The following EYS variants were observed in gnomAD, a reference collection of about 807,000 sequenced individuals.
The protein encoded by EYS is protein eyes shut homolog.
Under a neutral mutation model 282.1 loss-of-function variants are expected in EYS, and 250 were observed. The ratio of observed to expected loss-of-function variants is 0.89; its 90% CI spans 0.80 to 0.98. EYS has a LOEUF of 0.98. Among genes scored for constraint, EYS ranks in the 50% least tolerant of loss-of-function variants. The pLI, the probability that EYS is intolerant of heterozygous loss-of-function variation, is 0.00. For synonymous variants in EYS, 1,355 were observed against 1,282.9 expected (o/e 1.06, Z -1.20); for missense variants, 4,016 against 3,709.0 (o/e 1.08, Z -2.15).
At chr6:64,135,960 T>C (rs978520382) in intron 31 of EYS, among the ~76,000 whole-genome samples, 2 of 151,992 alleles carry the variant, frequency 1.3e-5, no homozygotes, top group African/African-American at 4.8e-5. Flanking sequence ...TTACAAAAGA[T>C]TCCTCTATAG....
At chr6:64,748,615 C>T (rs140626899) in intron 22 of EYS, among the ~76,000 whole-genome samples, 132 of 152,252 alleles carry the variant, frequency 8.7e-4, no homozygotes, top group African/African-American at 2.9e-3. Flanking sequence ...TCTGTGGATG[C>T]TATGGAGCTA....
intron 35 of EYS, among the ~76,000 whole-genome samples, chr6:63,937,836 T>C (rs1231170855): frequency 6.6e-6 from 1 of 152,208 alleles, no homozygotes; most frequent in Non-Finnish European, 1.5e-5. Context: ...ATCCATTTCA[T>C]TCTTCTCCAC....
At chr6:64,794,017 G>T (rs562076096) in intron 22 of EYS, among the ~76,000 whole-genome samples, 1 of 152,132 alleles carries the variant, frequency 6.6e-6, no homozygotes, top group South Asian at 2.1e-4. Context: ...CCCAGGCCCT[G>T]GTTAATCAAC....
At chr6:64,791,320 C>CACAT (rs1171804828) in intron 22 of EYS, among the ~76,000 whole-genome samples, 1 of 151,828 alleles carries the variant, frequency 6.6e-6, no homozygotes, top group African/African-American at 2.4e-5. Flanking sequence ...CACACACACA[C>CACAT]ACATACACAT....
chr6:63,720,334 G>T lies in EYS; in HGVS notation c.*262C>A. ...GATAGGTAAAAAGTGAATAAGCAAA[G>T]TGAATAAGCACATTCTGTGAATAAG... On this transcript the variant is annotated 3_prime_UTR_variant, in exon 43 of 43. Coordinates refer to ENST00000503581, the MANE Select transcript of EYS (RefSeq NM_001142800.2). 3 of 407,658 alleles carry T rather than the reference G, an allele frequency of 7.4e-6. No homozygotes were observed. The highest frequency in any genetic ancestry group is 1.3e-5 in the Non-Finnish European group (3 of 230,796). The allele number at this position is 407,658 out of a possible 1,614,324, so 25.3% of individuals were successfully genotyped here.
At chr6:65,455,197 C>A (rs1764555979) in intron 5 of EYS, among the ~76,000 whole-genome samples, 1 of 151,948 alleles carries the variant, frequency 6.6e-6, no homozygotes. Flanking sequence ...TTATACTTTT[C>A]AGTTTAGAGA....
chr6:63,809,271 C>T (rs1243206923), intron 36 of EYS, among the ~76,000 whole-genome samples: 1 of 152,262 alleles, frequency 6.6e-6, no homozygotes, highest in Non-Finnish European at 1.5e-5. Flanking sequence ...AGACTTTCAA[C>T]CTTACAAATC....
At chr6:65,199,923 G>C (rs1488648749) in intron 12 of EYS, among the ~76,000 whole-genome samples, 14 of 152,082 alleles carry the variant, frequency 9.2e-5, no homozygotes, top group Admixed American at 7.2e-4. Flanking sequence ...ATTCTACAGA[G>C]TTTACATTGA....
chr6:64,911,188 T>C (rs1390762075), intron 16 of EYS, among the ~76,000 whole-genome samples: 1 of 152,134 alleles, frequency 6.6e-6, no homozygotes, highest in Non-Finnish European at 1.5e-5. Flanking sequence ...TATTTACTTG[T>C]TTGAATTATG....
At chr6:64,549,031 C>G (rs77461394) in intron 26 of EYS, among the ~76,000 whole-genome samples, 4,936 of 152,242 alleles carry the variant, frequency 0.032, 106 homozygotes, top group Middle Eastern at 0.085. Flanking sequence ...ATTTGAGAAG[C>G]ACTCAAATCA....
At chr6:65,455,288 C>A (rs1228618024) in intron 5 of EYS, among the ~76,000 whole-genome samples, 1 of 151,988 alleles carries the variant, frequency 6.6e-6, no homozygotes, top group Non-Finnish European at 1.5e-5. Flanking sequence ...TTCTTGAATT[C>A]TTTTTCAGAT....
chr6:65,622,045 A>T (rs1490163057), intron 2 of EYS, among the ~76,000 whole-genome samples: 1 of 152,190 alleles, frequency 6.6e-6, no homozygotes, highest in African/African-American at 2.4e-5. Context: ...CACAAGACAG[A>T]GATGTCTATA....
intron 13 of EYS, among the ~76,000 whole-genome samples, chr6:65,010,253 G>A (rs1017363893): frequency 6.6e-6 from 1 of 152,214 alleles, no homozygotes; most frequent in Non-Finnish European, 1.5e-5. Context: ...ACAGGTAGTG[G>A]CAGCAGTAGC....
chr6:65,530,593 A>G (rs927890513), intron 2 of EYS, among the ~76,000 whole-genome samples: 8 of 152,158 alleles, frequency 5.3e-5, no homozygotes, highest in African/African-American at 1.7e-4. Context: ...TATCATTCCA[A>G]GAATTAAACT....
At chr6:65,005,702 A>T (rs1046213291) in intron 13 of EYS, among the ~76,000 whole-genome samples, 2 of 143,378 alleles carry the variant, frequency 1.4e-5, no homozygotes, top group Non-Finnish European at 3.1e-5. Flanking sequence ...TCTATTGGGG[A>T]TGTTGATCTG....
intron 16 of EYS, among the ~76,000 whole-genome samples, chr6:64,912,040 T>C (rs939176544): frequency 6.6e-6 from 1 of 152,140 alleles, no homozygotes; most frequent in African/African-American, 2.4e-5. Flanking sequence ...TATGTGATTG[T>C]AACTAAACAA....
chr6:64,191,204 C>CT (rs1765092935), intron 31 of EYS, among the ~76,000 whole-genome samples: 1 of 151,854 alleles, frequency 6.6e-6, no homozygotes, highest in Non-Finnish European at 1.5e-5. Context: ...TCTCATTTAT[C>CT]TTTTTTAAAT....
intron 5 of EYS, among the ~76,000 whole-genome samples, chr6:65,408,391 T>C (rs2150367906): frequency 6.6e-6 from 1 of 152,264 alleles, no homozygotes; most frequent in African/African-American, 2.4e-5. Flanking sequence ...GGATTGGTAC[T>C]AATCTCTTAA....
chr6:63,733,731 G>A (rs1208606873), intron 41 of EYS, among the ~76,000 whole-genome samples: 3 of 152,000 alleles, frequency 2.0e-5, no homozygotes, highest in Non-Finnish European at 4.4e-5. Flanking sequence ...GTTCTCTCAC[G>A]GACCACGTTA....
Sources: allele counts gnomAD v4.1 joint callset (sites outside exome capture counted in the v4.1 genomes callset), GRCh38; gene constraint gnomAD v4.1.1; transcripts MANE v1.5; gene names NCBI Gene and HGNC (gene_info 2026-07-23, HGNC 2026-07-21).